Variants in CSMD1 observed in about 807,000 individuals in gnomAD.
CSMD1 encodes CUB and Sushi multiple domains 1.
Under a neutral mutation model 417.5 loss-of-function variants are expected in CSMD1, and 213 were observed. The ratio of observed to expected loss-of-function variants is 0.51; its 90% confidence interval spans 0.46 to 0.57. The LOEUF (loss-of-function observed/expected upper bound fraction) is 0.57, where lower values mean the gene tolerates loss of function less well. Among genes scored for constraint, CSMD1 ranks in the 20% least tolerant of loss-of-function variants. The pLI, the probability that CSMD1 is intolerant of heterozygous loss-of-function variation, is 0.00. For missense variants in CSMD1, 6,923 were observed against 4,529.7 expected (o/e 1.53, Z -15.17); for synonymous variants, 2,862 against 1,736.8 (o/e 1.65, Z -16.11).
chr8:3,939,160 A>T (rs1215830178), intron 5 of CSMD1, among the ~76,000 whole-genome samples: 1 of 152,190 alleles, frequency 6.6e-6, no homozygotes, highest in East Asian at 1.9e-4. Context: ...AAACCAATCT[A>T]ACATAGTTTC....
intron 3 of CSMD1, among the ~76,000 whole-genome samples, chr8:4,045,024 T>G (rs952792025): frequency 6.6e-5 from 10 of 152,224 alleles, no homozygotes; most frequent in African/African-American, 2.2e-4. Context: ...TGCCTGAATC[T>G]TCCAGTTTTA....
chr8:4,119,083 A>C (rs7826404), intron 3 of CSMD1, among the ~76,000 whole-genome samples: 4 of 151,868 alleles, frequency 2.6e-5, no homozygotes, highest in Admixed American at 6.6e-5. Context: ...ACACACAGGG[A>C]CCTGTCAGTG....
intron 5 of CSMD1, among the ~76,000 whole-genome samples, chr8:3,793,957 T>C (rs997212093): frequency 2.6e-5 from 4 of 152,198 alleles, no homozygotes; most frequent in African/African-American, 4.8e-5. Flanking sequence ...TAAATGCTGC[T>C]ATGTGTAATA....
chr8:4,406,358 G>A (rs1189635843), intron 3 of CSMD1, among the ~76,000 whole-genome samples: 1 of 152,116 alleles, frequency 6.6e-6, no homozygotes, highest in Non-Finnish European at 1.5e-5. Flanking sequence ...TTTAGGGAAA[G>A]AGAGATGACA....
At chr8:2,983,136 T>C (rs368808118) in intron 54 of CSMD1, among the ~76,000 whole-genome samples, 1,676 of 152,326 alleles carry the variant, frequency 0.011, 43 homozygotes, top group African/African-American at 0.038. Context: ...AAAAACTTTT[T>C]ATAATCAGTT....
chr8:4,045,538 A>G (rs1798106113), intron 3 of CSMD1, among the ~76,000 whole-genome samples: 1 of 152,220 alleles, frequency 6.6e-6, no homozygotes, highest in Non-Finnish European at 1.5e-5. Context: ...TGTGGGCAGC[A>G]GATGCTGTTA....
At chr8:3,680,405 A>C (rs1799589647) in intron 7 of CSMD1, among the ~76,000 whole-genome samples, 1 of 152,214 alleles carries the variant, frequency 6.6e-6, no homozygotes, top group Admixed American at 6.5e-5. Context: ...AATACTATTA[A>C]CACCTCTACG....
chr8:4,327,799 G>C (rs945079050), intron 3 of CSMD1, among the ~76,000 whole-genome samples: 1 of 152,082 alleles, frequency 6.6e-6, no homozygotes, highest in Non-Finnish European at 1.5e-5. Flanking sequence ...AACTTTTCTT[G>C]CTAAAATGTC....
At chr8:3,667,319 G>A (rs557017190) in intron 7 of CSMD1, among the ~76,000 whole-genome samples, 2 of 152,136 alleles carry the variant, frequency 1.3e-5, no homozygotes, top group Non-Finnish European at 2.9e-5. Flanking sequence ...TAAAAAGAGA[G>A]TGAAGGGGTG....
chr8:4,818,438 A>G (rs1371777237), intron 1 of CSMD1, among the ~76,000 whole-genome samples: 1 of 152,184 alleles, frequency 6.6e-6, no homozygotes, highest in African/African-American at 2.4e-5. Flanking sequence ...TGATTACAAG[A>G]GAGCTCAGTA....
intron 2 of CSMD1, among the ~76,000 whole-genome samples, chr8:4,547,176 C>T (rs562143962): frequency 3.3e-5 from 5 of 152,274 alleles, no homozygotes; most frequent in South Asian, 2.1e-4. Flanking sequence ...TATCCCAACC[C>T]GTCCACTTAT....
intron 1 of CSMD1, among the ~76,000 whole-genome samples, chr8:4,803,316 G>C (rs1307765073): frequency 2.0e-5 from 3 of 152,146 alleles, no homozygotes; most frequent in Non-Finnish European, 4.4e-5. Flanking sequence ...GTTCAGTGAA[G>C]AATTCATGGA....
chr8:3,733,480 G>A (rs1029178437), intron 6 of CSMD1, among the ~76,000 whole-genome samples: 3 of 151,420 alleles, frequency 2.0e-5, no homozygotes, highest in Non-Finnish European at 2.9e-5. Context: ...TGCTTTCAAC[G>A]GTTTCAGTTA....
intron 3 of CSMD1, among the ~76,000 whole-genome samples, chr8:4,149,445 G>C (rs1037497251): frequency 2.0e-5 from 3 of 152,162 alleles, no homozygotes; most frequent in African/African-American, 7.2e-5. Context: ...CTACATAAGG[G>C]CCAATAAAAG....
chr8:3,264,676 G>A (rs75184505), intron 26 of CSMD1, among the ~76,000 whole-genome samples: 3,847 of 152,200 alleles, frequency 0.025, 78 homozygotes, highest in Non-Finnish European at 0.034. Flanking sequence ...CTGTGGGGTC[G>A]TAAAAAGAGT....
intron 7 of CSMD1, among the ~76,000 whole-genome samples, chr8:3,708,185 G>C (rs1426083862): frequency 6.6e-6 from 1 of 152,176 alleles, no homozygotes; most frequent in Non-Finnish European, 1.5e-5. Context: ...CTCAGACAGT[G>C]ATCAGGGCAG....
chr8:4,400,936 A>G, intron 3 of CSMD1, among the ~76,000 whole-genome samples: 1 of 135,334 alleles, frequency 7.4e-6, no homozygotes, highest in South Asian at 2.5e-4. Context: ...CCAACTTCAC[A>G]ACTTTATTTT....
intron 3 of CSMD1, among the ~76,000 whole-genome samples, chr8:4,034,460 G>C (rs1316536951): frequency 1.3e-5 from 2 of 152,130 alleles, no homozygotes; most frequent in Admixed American, 6.5e-5. Flanking sequence ...AGAAAATTCT[G>C]TATTTAATTC....
intron 3 of CSMD1, among the ~76,000 whole-genome samples, chr8:4,263,751 T>C (rs1804046255): frequency 6.6e-6 from 1 of 152,214 alleles, no homozygotes; most frequent in Non-Finnish European, 1.5e-5. Context: ...GTATGTGTTC[T>C]AGCTGAAATA....
Sources: allele counts gnomAD v4.1 joint callset (sites outside exome capture counted in the v4.1 genomes callset), GRCh38; gene constraint gnomAD v4.1.1; transcripts MANE v1.5; gene names NCBI Gene and HGNC (gene_info 2026-07-23, HGNC 2026-07-21).